Variants in SLC41A2 observed in about 807,000 individuals in gnomAD.
SLC41A2 encodes SLC41A1-like 1.
In SLC41A2, 32 loss-of-function variants were observed where a neutral mutation model predicts 58.3. The observed-to-expected ratio is 0.55, with a 90% CI of 0.41 to 0.74. The LOEUF is 0.74. Ranked by LOEUF, SLC41A2 falls within the 30% of genes least tolerant of loss-of-function variation. SLC41A2 has a pLI of 0.00. For missense variants in SLC41A2, 514 were observed against 680.6 expected, an observed-to-expected ratio of 0.76 and a Z score of 2.72; for synonymous variants, 190 against 235.0, an observed-to-expected ratio of 0.81 and a Z score of 1.75.
Position 104,886,318 on chromosome 12 carries a change from T to G in SLC41A2, c.1002A>C (p.Ile334=). The G allele has an allele frequency of 6.2e-7, 1 of 1,613,570 alleles. No individual in the cohort carries two copies. Among genetic ancestry groups the G allele is most frequent in the Admixed American group, 1.7e-5 (1 of 60,004 alleles). ...DLITLAILAW[I]SQGLYSCLET... is the part of the protein sequence containing the mutation. ...CAAGACAGGAGTATAAGCCCTGACTTATCCAAGCCAATATGGCAAGAGTTA... is the reference window on the plus strand; with the variant it reads ...CAAGACAGGAGTATAAGCCCTGACTGATCCAAGCCAATATGGCAAGAGTTA... The change falls in exon 6 of 11, where the codon ATA becomes ATC. Residue 334 remains isoleucine (I), a synonymous_variant. Coordinates refer to ENST00000258538, the MANE Select transcript of SLC41A2 (RefSeq NM_001352171.3).
At chr12:104,927,542 A>G (rs2046889848) in intron 2 of SLC41A2, among the ~76,000 whole-genome samples, 1 of 152,208 alleles carries the variant, frequency 6.6e-6, no homozygotes, top group Non-Finnish European at 1.5e-5. Flanking sequence ...ACACTTCACA[A>G]TGATAATCTC....
intron 10 of SLC41A2, among the ~76,000 whole-genome samples, chr12:104,818,802 AG>A (rs971976165): frequency 1.1e-4 from 16 of 152,128 alleles, no homozygotes; most frequent in Admixed American, 4.6e-4. Context: ...GTTTGAACCC[AG>A]GGGGCAGAGG....
At chr12:104,829,363 A>C (rs1161332789) in intron 10 of SLC41A2, among the ~76,000 whole-genome samples, 1 of 152,206 alleles carries the variant, frequency 6.6e-6, no homozygotes, top group African/African-American at 2.4e-5. Context: ...ATAAGTTTCA[A>C]AATATTATGT....
chr12:104,808,852 C>T (rs575569648), intron 10 of SLC41A2, among the ~76,000 whole-genome samples: 18 of 152,226 alleles, frequency 1.2e-4, no homozygotes, highest in South Asian at 4.1e-4. Flanking sequence ...AGTTTATTTG[C>T]GTAGAGGTGT....
intron 8 of SLC41A2, among the ~76,000 whole-genome samples, chr12:104,860,576 A>G (rs1031911738): frequency 3.3e-5 from 5 of 151,942 alleles, no homozygotes; most frequent in Non-Finnish European, 5.9e-5. Context: ...CTGAGGACCA[A>G]TAGATTTTTT....
intron 1 of SLC41A2, among the ~76,000 whole-genome samples, chr12:104,947,194 CCTTTTTTTT>C (rs1331338977): frequency 3.5e-4 from 19 of 53,668 alleles, no homozygotes; most frequent in African/African-American, 1.2e-3. Flanking sequence ...TTATTTTTGT[CCTTTTTTTT>C]TTTTTTTTTT....
chr12:104,843,865 A>T (rs1485850882), intron 10 of SLC41A2, among the ~76,000 whole-genome samples: 3 of 152,146 alleles, frequency 2.0e-5, no homozygotes, highest in Admixed American at 6.5e-5. Flanking sequence ...AATGCTTCTG[A>T]GCATATAGGA....
At chr12:104,858,393 A>G (rs967914891) in intron 8 of SLC41A2, among the ~76,000 whole-genome samples, 4 of 152,204 alleles carry the variant, frequency 2.6e-5, no homozygotes, top group Non-Finnish European at 5.9e-5. Flanking sequence ...GAGACCTTAG[A>G]CAATCTACTG....
chr12:104,878,503 C>T (rs1461394347), intron 6 of SLC41A2, among the ~76,000 whole-genome samples: 1 of 151,508 alleles, frequency 6.6e-6, no homozygotes, highest in Non-Finnish European at 1.5e-5. Context: ...TGATGTTCTC[C>T]ACCCTGTCTC....
chr12:104,912,501 A>G (rs1439578516), intron 2 of SLC41A2, among the ~76,000 whole-genome samples: 1 of 152,218 alleles, frequency 6.6e-6, no homozygotes, highest in Admixed American at 6.5e-5. Context: ...GTTTCCACAC[A>G]GCTGAACATT....
chr12:104,918,140 G>A (rs1273882646), intron 2 of SLC41A2, among the ~76,000 whole-genome samples: 1 of 151,756 alleles, frequency 6.6e-6, no homozygotes, highest in Non-Finnish European at 1.5e-5. Context: ...CAAAAAGTTG[G>A]AAAATACACT....
At chr12:104,851,134 A>G (rs979866082) in intron 8 of SLC41A2, among the ~76,000 whole-genome samples, 1 of 152,216 alleles carries the variant, frequency 6.6e-6, no homozygotes, top group African/African-American at 2.4e-5. Context: ...TGCTTAGCAC[A>G]GTTTCTGGAC....
intron 3 of SLC41A2, among the ~76,000 whole-genome samples, chr12:104,908,039 C>T (rs919363301): frequency 6.6e-5 from 10 of 152,126 alleles, no homozygotes; most frequent in Admixed American, 2.6e-4. Flanking sequence ...CAGAGGCAGG[C>T]GGATCACCTG....
intron 3 of SLC41A2, among the ~76,000 whole-genome samples, chr12:104,896,671 C>T (rs10507186): frequency 0.038 from 5,796 of 152,210 alleles, 152 homozygotes; most frequent in East Asian, 0.11. Flanking sequence ...TGGAAACATA[C>T]ATACATTCGG....
intron 6 of SLC41A2, among the ~76,000 whole-genome samples, chr12:104,880,209 T>C (rs190223904): frequency 6.6e-6 from 1 of 152,240 alleles, no homozygotes; most frequent in Admixed American, 6.5e-5. Flanking sequence ...CTTAAGGAGA[T>C]TTGGGGCAGA....
chr12:104,851,911 G>C (rs1269843127), intron 8 of SLC41A2: 1 of 152,012 alleles, frequency 6.6e-6, no homozygotes, highest in Non-Finnish European at 1.5e-5. Flanking sequence ...TAAACTCACT[G>C]ACATTAAAAA....
intron 10 of SLC41A2, among the ~76,000 whole-genome samples, chr12:104,840,524 AAAAT>A (rs1453821475): frequency 9.2e-5 from 14 of 152,240 alleles, no homozygotes; most frequent in African/African-American, 3.1e-4. Flanking sequence ...CTGTTGAAGA[AAAAT>A]AAACTCAAAA....
chr12:104,958,321 A>T (rs1278461295), upstream of SLC41A2: 1 of 142,410 alleles, frequency 7.0e-6, no homozygotes, highest in South Asian at 2.1e-4. Context: ...CGGCCCCCTG[A>T]CTCCCCGCCG....
chr12:104,877,177 G>A (rs1290730416), intron 6 of SLC41A2, among the ~76,000 whole-genome samples: 1 of 152,118 alleles, frequency 6.6e-6, no homozygotes, highest in Admixed American at 6.6e-5. Context: ...AAGTTTATCA[G>A]GAAATAAACC....
Sources: gnomAD v4.1 joint callset for allele counts (sites outside exome capture counted in the v4.1 genomes callset) on GRCh38, gnomAD v4.1.1 for gene constraint, MANE v1.5 for transcripts, NCBI Gene and HGNC (gene_info 2026-07-23, HGNC 2026-07-21) for gene names.